TMPRSS7: variants seen among roughly 807,000 people sequenced by gnomAD.
TMPRSS7 encodes the protein transmembrane protease serine 7.
A neutral mutation model predicts 95.6 loss-of-function variants in TMPRSS7; 81 were observed. The ratio of observed to expected loss-of-function variants is 0.85; its 90% confidence interval spans 0.71 to 1.02. The LOEUF (loss-of-function observed/expected upper bound fraction) is 1.02, where lower values mean the gene tolerates loss of function less well. TMPRSS7 is among the 50% of genes least tolerant of loss of function. The pLI is 0.00. For synonymous variants in TMPRSS7, 364 were observed against 337.8 expected (o/e 1.08, Z -0.85); for missense variants, 945 against 955.2 (o/e 0.99, Z 0.14).
intron 14 of TMPRSS7, among the ~76,000 whole-genome samples, chr3:112,074,812 C>T (rs2073692468): frequency 6.6e-6 from 1 of 152,188 alleles, no homozygotes; most frequent in Non-Finnish European, 1.5e-5. Flanking sequence ...CTCCCACATG[C>T]TCCTATTAGT....
At chr3:112,052,215 T>C (rs1051311106) in intron 9 of TMPRSS7, among the ~76,000 whole-genome samples, 14 of 152,192 alleles carry the variant, frequency 9.2e-5, no homozygotes, top group African/African-American at 3.4e-4. Flanking sequence ...TTAAATAGGA[T>C]GATCAGGGAA....
intron 2 of TMPRSS7, among the ~76,000 whole-genome samples, chr3:112,040,037 C>G (rs1413023171): frequency 6.6e-6 from 1 of 152,056 alleles, no homozygotes; most frequent in Non-Finnish European, 1.5e-5. Context: ...TGTGCGGAAC[C>G]CCTGCCCCCA....
intron 10 of TMPRSS7, among the ~76,000 whole-genome samples, chr3:112,058,554 C>T (rs2073460673): frequency 6.6e-6 from 1 of 152,108 alleles, no homozygotes. Flanking sequence ...ATATGAATAA[C>T]AAGATTGTTT....
intron 9 of TMPRSS7, among the ~76,000 whole-genome samples, chr3:112,056,230 A>G (rs1200723914): frequency 6.6e-6 from 1 of 152,216 alleles, no homozygotes; most frequent in Non-Finnish European, 1.5e-5. Flanking sequence ...GTGACCATGA[A>G]GCATTCATAA....
rs548573349 is a variant in TMPRSS7 at position 112,066,296 on chromosome 3, T to C, written c.1556-96T>C. The C allele has an allele frequency of 2.5e-5, 25 of 1,008,132 alleles. No individual in the cohort carries two copies. The African/African-American group carries it at 3.7e-4, about 15-fold the overall frequency. The allele number at this position is 1,008,132 out of a possible 1,614,324, so 62.4% of individuals were successfully genotyped here. On this transcript the variant is annotated intron_variant, in intron 12 of 17. Coordinates refer to ENST00000452346, the Ensembl canonical transcript of TMPRSS7. ...ACACTTTTTGTTTTATAGGTCATCC[T>C]AATGATTTGTACCTTGAGACTGGCA...
At chr3:112,064,351 C>CTTTTCTTTTCTTTTT in intron 12 of TMPRSS7, among the ~76,000 whole-genome samples, 1 of 149,124 alleles carries the variant, frequency 6.7e-6, no homozygotes, top group Middle Eastern at 3.4e-3. Flanking sequence ...TGTGTGTTTT[C>CTTTTCTTTTCTTTTT]TTTTCTTTTT....
At chr3:112,074,209 T>C in intron 13 of TMPRSS7, 87 bp from the exon 14 acceptor site, 1 of 903,628 alleles carries the variant, frequency 1.1e-6, no homozygotes. Context: ...CCATTTTTTA[T>C]GGGGTTTGGA....
Position 112,076,969 on chromosome 3 carries a change from C to T in TMPRSS7, c.2049C>T (p.His683=), listed in dbSNP as rs201336233. Residue 683 remains histidine (H), a synonymous_variant, in exon 16 of 18, where the codon CAC becomes CAT. Coordinates refer to ENST00000452346, the Ensembl canonical transcript of TMPRSS7. ...CCCCGGTGAGAAGAATTGTGGTCCA[C>T]GAGTACTATAACAGTCAGACTTTTG... 1.2e-4 allele frequency: 190 copies of T among 1,614,148 alleles called. 1 individual carries two copies. In the Middle Eastern group the frequency reaches 3.6e-3, roughly 31 times the overall value.
chr3:112,069,538 C>T (rs1281572147), intron 13 of TMPRSS7, among the ~76,000 whole-genome samples: 1 of 152,140 alleles, frequency 6.6e-6, no homozygotes, highest in East Asian at 1.9e-4. Flanking sequence ...TCAACTTCTT[C>T]CTGGTTTAGT....
At chr3:112,038,303 C>T (rs2073170503) in exon 2 of TMPRSS7, 2 of 702,320 alleles carry the variant, frequency 2.8e-6, no homozygotes, top group African/African-American at 3.5e-5. Flanking sequence ...AGCCTGGACA[C>T]TTCTGTGGCT....
At chr3:112,071,928 C>T (rs1284137431) in intron 13 of TMPRSS7, among the ~76,000 whole-genome samples, 2 of 152,116 alleles carry the variant, frequency 1.3e-5, no homozygotes, top group African/African-American at 2.4e-5. Flanking sequence ...TTATTACCTA[C>T]CTTCTGAAGC....
At chr3:112,078,001 G>A (rs1050781224) in intron 16 of TMPRSS7, among the ~76,000 whole-genome samples, 8 of 152,102 alleles carry the variant, frequency 5.3e-5, no homozygotes, top group South Asian at 2.1e-4. Context: ...CTGTAGCCTC[G>A]TTTTGACACT....
chr3:112,057,788 C>A (rs938754150), intron 10 of TMPRSS7, among the ~76,000 whole-genome samples: 5 of 151,958 alleles, frequency 3.3e-5, no homozygotes, highest in Admixed American at 3.3e-4. Context: ...TGCTGTGGTG[C>A]GATCTTGGCT....
At chr3:112,075,533 G>T in intron 15 of TMPRSS7, 41 bp downstream of exon 15, 1 of 1,363,854 alleles carries the variant, frequency 7.3e-7, no homozygotes, top group Non-Finnish European at 9.5e-7. Context: ...GCACTCTGTG[G>T]CCATAGACAA....
chr3:112,076,071 A>C (rs769038347), intron 15 of TMPRSS7, among the ~76,000 whole-genome samples: 9 of 152,336 alleles, frequency 5.9e-5, no homozygotes, highest in Non-Finnish European at 1.2e-4. Context: ...CTGTTTGATC[A>C]TGAGTCTCTA....
At chr3:112,076,515 C>T (rs2073711359) in intron 15 of TMPRSS7, among the ~76,000 whole-genome samples, 1 of 152,190 alleles carries the variant, frequency 6.6e-6, no homozygotes, top group South Asian at 2.1e-4. Context: ...ATGCCATTGT[C>T]AGCATGAATA....
At chr3:112,074,043 A>G (rs73856338) in intron 13 of TMPRSS7, among the ~76,000 whole-genome samples, 4,571 of 152,312 alleles carry the variant, frequency 0.03, 193 homozygotes, top group African/African-American at 0.088. Context: ...CTCACCTGCT[A>G]TGGGAGAAAG....
exon 17 of TMPRSS7, chr3:112,078,774 G>A: frequency 1.2e-6 from 2 of 1,614,198 alleles, no homozygotes; most frequent in Non-Finnish European, 1.7e-6. Flanking sequence ...GCAGCAAGCG[G>A]AGGTAGAGCT....
At chr3:112,063,693 T>C (rs1299463450) in intron 12 of TMPRSS7, 61 bp downstream of exon 12, 12 of 1,322,408 alleles carry the variant, frequency 9.1e-6, no homozygotes, top group African/African-American at 2.9e-5. Flanking sequence ...AGGACCATGA[T>C]TGCTGCTGAT....
Sources: allele counts gnomAD v4.1 joint callset (sites outside exome capture counted in the v4.1 genomes callset), GRCh38; gene constraint gnomAD v4.1.1; transcripts MANE v1.5; gene names NCBI Gene and HGNC (gene_info 2026-07-23, HGNC 2026-07-21).